Variants in NELL1 observed in about 807,000 individuals in gnomAD.
NELL1 encodes protein kinase C-binding protein NELL1.
Under a neutral mutation model 107.4 loss-of-function variants are expected in NELL1, and 76 were observed. The observed-to-expected ratio is 0.71, with a 90% CI of 0.59 to 0.86. NELL1 has a LOEUF of 0.86. NELL1 is among the 40% of genes least tolerant of loss of function. NELL1 has a pLI of 0.00. For missense variants in NELL1, 1,024 were observed against 1,005.5 expected (o/e 1.02, Z -0.25); for synonymous variants, 353 against 341.2 (o/e 1.03, Z -0.38).
chr11:21,448,104 CT>C (rs1270027691), intron 15 of NELL1, among the ~76,000 whole-genome samples: 6 of 152,186 alleles, frequency 3.9e-5, no homozygotes, highest in Non-Finnish European at 8.8e-5. Flanking sequence ...CAATTCAAAA[CT>C]GTCTTTTCTA....
chr11:21,235,074 C>A (rs1814434394), intron 14 of NELL1, among the ~76,000 whole-genome samples: 1 of 152,158 alleles, frequency 6.6e-6, no homozygotes, highest in South Asian at 2.1e-4. Flanking sequence ...GTACTTACAG[C>A]ACTCTAGACA....
At chr11:20,696,834 C>G (rs1460702055) in intron 2 of NELL1, among the ~76,000 whole-genome samples, 2 of 152,070 alleles carry the variant, frequency 1.3e-5, no homozygotes, top group African/African-American at 4.8e-5. Flanking sequence ...CTAGTACTGT[C>G]ACGTGGTTGG....
chr11:21,001,877 T>C (rs1852230152), intron 12 of NELL1, among the ~76,000 whole-genome samples: 1 of 151,912 alleles, frequency 6.6e-6, no homozygotes, highest in South Asian at 2.1e-4. Flanking sequence ...CTTGCCAATC[T>C]GAAGAGTGAG....
chr11:21,349,497 A>G (rs1018567312), intron 14 of NELL1, among the ~76,000 whole-genome samples: 2 of 152,124 alleles, frequency 1.3e-5, no homozygotes, highest in African/African-American at 4.8e-5. Flanking sequence ...TGTTATGGTT[A>G]TTGGTTTTAA....
chr11:20,897,527 A>G (rs1317561251), intron 5 of NELL1, among the ~76,000 whole-genome samples: 4 of 152,216 alleles, frequency 2.6e-5, no homozygotes, highest in Admixed American at 1.3e-4. Context: ...CATGTCTAAA[A>G]CACCAAAAGC....
At chr11:21,513,421 C>T (rs574998111) in intron 15 of NELL1, among the ~76,000 whole-genome samples, 33 of 152,106 alleles carry the variant, frequency 2.2e-4, no homozygotes, top group African/African-American at 7.5e-4. Flanking sequence ...ACATTGGTGG[C>T]TTGATATCAG....
chr11:20,722,898 G>A (rs1391052140), intron 2 of NELL1, among the ~76,000 whole-genome samples: 2 of 152,146 alleles, frequency 1.3e-5, no homozygotes, highest in African/African-American at 4.8e-5. Flanking sequence ...GCTTGGCTGG[G>A]GTGGCCTCAG....
intron 15 of NELL1, among the ~76,000 whole-genome samples, chr11:21,377,875 G>T (rs534381188): frequency 6.6e-6 from 1 of 152,094 alleles, no homozygotes; most frequent in East Asian, 1.9e-4. Flanking sequence ...TGTGGGATCT[G>T]GTTGTAATGT....
intron 15 of NELL1, among the ~76,000 whole-genome samples, chr11:21,424,397 G>T (rs1852769152): frequency 6.6e-6 from 1 of 152,054 alleles, no homozygotes; most frequent in African/African-American, 2.4e-5. Context: ...GAGGCCGGCG[G>T]ATCACTTGAG....
At chr11:21,109,785 AT>A (rs1342105271) in intron 12 of NELL1, among the ~76,000 whole-genome samples, 20 of 152,184 alleles carry the variant, frequency 1.3e-4, no homozygotes, top group Admixed American at 1.2e-3. Context: ...ATTTCTGAAG[AT>A]TGTTTTCTCA....
At chr11:21,420,610 C>T (rs560533709) in intron 15 of NELL1, among the ~76,000 whole-genome samples, 32 of 152,194 alleles carry the variant, frequency 2.1e-4, no homozygotes, top group Non-Finnish European at 4.1e-4. Flanking sequence ...AAGAGGAAGA[C>T]GGCATGAAAA....
At chr11:21,352,174 C>T (rs1850832539) in intron 14 of NELL1, among the ~76,000 whole-genome samples, 1 of 152,116 alleles carries the variant, frequency 6.6e-6, no homozygotes, top group South Asian at 2.1e-4. Flanking sequence ...TTGTGATCAT[C>T]CTAAATAAAT....
At chr11:21,151,836 C>T (rs890748404) in intron 13 of NELL1, among the ~76,000 whole-genome samples, 4 of 152,074 alleles carry the variant, frequency 2.6e-5, no homozygotes, top group Admixed American at 1.3e-4. Flanking sequence ...AATGAATAGC[C>T]CCAAGCATTC....
chr11:20,885,553 G>T lies in NELL1; in HGVS notation c.603+13G>T. The T allele has an allele frequency of 1.3e-6, 2 of 1,515,054 alleles. No homozygotes were observed. Among genetic ancestry groups the T allele is most frequent in the Non-Finnish European group, 1.8e-6 (2 of 1,090,044 alleles). The allele number at this position is 1,515,054 out of a possible 1,614,324, so 93.9% of individuals were successfully genotyped here. A position where few individuals can be genotyped will look rare whatever the true frequency, so the allele number is the denominator to read the frequency against. On this transcript the variant is annotated intron_variant, in intron 5 of 19. Coordinates refer to ENST00000357134, the MANE Select transcript of NELL1 (RefSeq NM_006157.5). ...TGGCTTATTCAAAGTAAGCACTAACGTTCTTTTTATTGAAGTATATATATA... is the reference window on the plus strand; with the variant it reads ...TGGCTTATTCAAAGTAAGCACTAACTTTCTTTTTATTGAAGTATATATATA...
intron 3 of NELL1, among the ~76,000 whole-genome samples, chr11:20,808,131 T>C (rs1857423259): frequency 6.6e-6 from 1 of 152,214 alleles, no homozygotes; most frequent in African/African-American, 2.4e-5. Flanking sequence ...TCTCTCCTCA[T>C]AGCTGTGAAT....
In NELL1 at chr11:21,302,886, T is replaced by C. The variant is rs533408563; in HGVS notation, c.1550-67967T>C. Among the ~76,000 whole-genome samples, 17 of 150,846 alleles carry C rather than the reference T, an allele frequency of 1.1e-4. 1 individual carries two copies. The highest frequency in any genetic ancestry group is 3.7e-4 in the African/African-American group (15 of 40,840). On this transcript the variant is annotated intron_variant, in intron 14 of 19. Transcript: ENST00000357134. ...GCCTGGGCAGTATAGTGAGACCCTA[T>C]CTCTACAAAAAAATTAAAAAAAAAA...
chr11:21,475,898 C>T (rs10766818), intron 15 of NELL1, among the ~76,000 whole-genome samples: 132,905 of 152,198 alleles, frequency 0.87, 58,068 homozygotes, highest in East Asian at 0.97. Flanking sequence ...TGACCTCTTA[C>T]GGATCTTCAA....
intron 15 of NELL1, among the ~76,000 whole-genome samples, chr11:21,458,993 C>T (rs1590948617): frequency 6.6e-6 from 1 of 151,958 alleles, no homozygotes; most frequent in African/African-American, 2.4e-5. Context: ...TTTAGATAAG[C>T]AAACCAAGGC....
intron 13 of NELL1, among the ~76,000 whole-genome samples, chr11:21,212,483 A>G (rs1217702101): frequency 6.6e-6 from 1 of 152,158 alleles, no homozygotes; most frequent in Non-Finnish European, 1.5e-5. Context: ...AATCGCCTGG[A>G]CATAACCCTA....
Sources: gnomAD v4.1 joint callset for allele counts (sites outside exome capture counted in the v4.1 genomes callset) on GRCh38, gnomAD v4.1.1 for gene constraint, MANE v1.5 for transcripts, NCBI Gene and HGNC (gene_info 2026-07-23, HGNC 2026-07-21) for gene names.